Variants in TMEM255B observed in about 807,000 individuals in gnomAD.
TMEM255B encodes the protein family with sequence similarity 70, member B.
TMEM255B carries 35 observed loss-of-function variants against 34.5 expected under a neutral mutation model. That is an observed-to-expected ratio of 1.01 (90% CI 0.77 to 1.34). The LOEUF (loss-of-function observed/expected upper bound fraction) is 1.34, where lower values mean the gene tolerates loss of function less well. Among genes scored for constraint, TMEM255B ranks in the 40% most tolerant of loss-of-function variants. TMEM255B has a pLI of 0.00. For synonymous variants in TMEM255B, 206 were observed against 201.2 expected, an observed-to-expected ratio of 1.02 and a Z score of -0.20; for missense variants, 432 against 433.2, an observed-to-expected ratio of 1.00 and a Z score of 0.02.
intron 8 of TMEM255B, among the ~76,000 whole-genome samples, chr13:113,808,819 G>T (rs28623354): frequency 3.0e-5 from 3 of 99,638 alleles, no homozygotes; most frequent in Non-Finnish European, 5.9e-5. Flanking sequence ...CATGTTTCCT[G>T]GGGGTTTACT....
At chr13:113,774,808 TAC>T (rs1444658805) in intron 3 of TMEM255B, among the ~76,000 whole-genome samples, 1 of 110,056 alleles carries the variant, frequency 9.1e-6, no homozygotes, top group Non-Finnish European at 1.9e-5. Context: ...CACAATACAC[TAC>T]ACACACCACC....
chr13:113,796,351 C>T (rs571297905), intron 4 of TMEM255B, among the ~76,000 whole-genome samples: 2 of 147,540 alleles, frequency 1.4e-5, no homozygotes, highest in South Asian at 2.2e-4. Context: ...ACACAGAGTA[C>T]ACACCTCACA....
At chr13:113,790,078 C>T (rs1270804211) in intron 3 of TMEM255B, among the ~76,000 whole-genome samples, 1 of 151,392 alleles carries the variant, frequency 6.6e-6, no homozygotes, top group Non-Finnish European at 1.5e-5. Context: ...GCTGGATTCA[C>T]TGGGCACATG....
Position 113,801,686 on chromosome 13 carries a change from C to G in TMEM255B, c.543C>G (p.Ile181Met). 3 of 1,612,056 alleles carry G rather than the reference C, an allele frequency of 1.9e-6. No homozygotes were observed. The highest frequency in any genetic ancestry group is 2.5e-6 in the Non-Finnish European group (3 of 1,179,178). The change falls in exon 7 of 9, where the codon ATC (isoleucine) becomes ATG (methionine). Residue 181 changes from isoleucine to methionine, a missense_variant. Physicochemically the swap from Ile to Met is conservative, Grantham distance 10. Transcript: ENST00000375353. Reference sequence around the variant, plus strand: ...CCTCGCCCGCCTACTATGAGTTCATCGGCGTCAGCGGCTGCCAGGACGTGC... The same window carrying G: ...CCTCGCCCGCCTACTATGAGTTCATGGGCGTCAGCGGCTGCCAGGACGTGC... Reference protein sequence around the residue: ...AEPSPAYYEFIGVSGCQDVLH... With the variant: ...AEPSPAYYEFMGVSGCQDVLH...
chr13:113,801,736 C>T lies in TMEM255B; in HGVS notation c.593C>T (p.Ala198Val), dbSNP rs755021235. Residue 198 changes from alanine to valine, a missense_variant, in exon 7 of 9, where the codon GCC becomes GTC. Transcript: ENST00000375353. ...CTGCACCTGTACCGCCTGCTCTGGG[C>T]CTCTGCAGTTCTGAACGTCCTGGGC... ...DVLHLYRLLW[A>V]SAVLNVLGLF... 4.3e-6 allele frequency: 7 copies of T among 1,613,124 alleles called. No individual in the cohort carries two copies. The Admixed American group carries it at 1.0e-4, about 23-fold the overall frequency.
intron 7 of TMEM255B, among the ~76,000 whole-genome samples, chr13:113,802,655 C>T (rs1436143490): frequency 2.5e-5 from 3 of 119,482 alleles, no homozygotes; most frequent in Non-Finnish European, 6.0e-5. Flanking sequence ...AGAGGCTGTC[C>T]ATGACTAAAA....
At chr13:113,775,534 G>A (rs569978275) in intron 3 of TMEM255B, among the ~76,000 whole-genome samples, 1 of 152,388 alleles carries the variant, frequency 6.6e-6, no homozygotes, top group African/African-American at 2.4e-5. Flanking sequence ...GAGCTGCCCA[G>A]GGCAAGAGCC....
chr13:113,769,173 A>G lies in TMEM255B; in HGVS notation c.252+13A>G, dbSNP rs1431505547. The G allele has an allele frequency of 2.4e-5, 39 of 1,613,928 alleles. No homozygotes were observed. The highest frequency in any genetic ancestry group is 1.6e-4 in the Middle Eastern group (1 of 6,062). On this transcript the variant is annotated intron_variant, in intron 3 of 8. Transcript: ENST00000375353. This position sits in a 1 kb window ranked among gnomAD's most constrained non-coding sequence, Gnocchi z 4.2. ...TAGAAGGCAAATGGTAAGAAAGTAC[A>G]TGGGGTGGTGGGGAGCATGAGTCCC...
rs192806687 is a variant in TMEM255B at position 113,794,624 on chromosome 13, G to A, written c.253-524G>A. Among the ~76,000 whole-genome samples the A allele has an allele frequency of 1.9e-3, 296 of 152,194 alleles. 2 individuals carry two copies. Among genetic ancestry groups the A allele is most frequent in the African/African-American group, 6.8e-3 (282 of 41,536 alleles). Reference sequence around the variant, plus strand: ...TTTTAGGGTTAGGGCAGGACACCCCGCTTTATAGCAGAGTTTGTAGTGGCA... The same window carrying A: ...TTTTAGGGTTAGGGCAGGACACCCCACTTTATAGCAGAGTTTGTAGTGGCA... On this transcript the variant is annotated intron_variant, in intron 3 of 8. Transcript: ENST00000375353.
At chr13:113,775,048 CACA>C (rs1388023497) in intron 3 of TMEM255B, among the ~76,000 whole-genome samples, 4 of 88,914 alleles carry the variant, frequency 4.5e-5, no homozygotes, top group Admixed American at 1.1e-4. Context: ...ACATTGCACA[CACA>C]ACACACCACA....
intron 5 of TMEM255B, 110 bp downstream of exon 5, chr13:113,799,529 C>T: frequency 9.8e-7 from 1 of 1,023,436 alleles, no homozygotes; most frequent in East Asian, 2.5e-5. Context: ...TCTAATAGTT[C>T]CTGGGGGTCA....
chr13:113,759,396 C>A, intron 1 of TMEM255B, 81 bp downstream of exon 1: 1 of 1,190,506 alleles, frequency 8.4e-7, no homozygotes, highest in Non-Finnish European at 1.1e-6. Flanking sequence ...GGTCCCCGGC[C>A]GGCCCGGGCG....
chr13:113,793,730 G>T (rs770853387), intron 3 of TMEM255B, among the ~76,000 whole-genome samples: 5 of 152,228 alleles, frequency 3.3e-5, no homozygotes, highest in African/African-American at 4.8e-5. Context: ...CGCAGTGAGG[G>T]TGCCCACTGT....
intron 2 of TMEM255B, among the ~76,000 whole-genome samples, chr13:113,766,637 C>G (rs535653005): frequency 7.2e-5 from 11 of 152,290 alleles, no homozygotes; most frequent in African/African-American, 2.6e-4. Context: ...CCAAAAAGGC[C>G]GGACAGAGCC....
chr13:113,792,730 A>AT (rs2050852773), intron 3 of TMEM255B, among the ~76,000 whole-genome samples: 1 of 152,216 alleles, frequency 6.6e-6, no homozygotes, highest in Admixed American at 6.5e-5. Context: ...AGAAGAGGAG[A>AT]TTTTTAAATT....
intron 8 of TMEM255B, 67 bp downstream of exon 8, chr13:113,805,095 G>A (rs539950915): frequency 4.1e-6 from 6 of 1,453,622 alleles, no homozygotes; most frequent in African/African-American, 1.4e-5. Context: ...ACAGGATGGG[G>A]CTGGGGTCGG....
At chr13:113,780,182 G>A (rs2050645112) in intron 3 of TMEM255B, among the ~76,000 whole-genome samples, 1 of 152,216 alleles carries the variant, frequency 6.6e-6, no homozygotes, top group African/African-American at 2.4e-5. Context: ...CAGAACCCCT[G>A]TGCAGGGACT....
At chr13:113,780,150 A>G (rs1033270406) in intron 3 of TMEM255B, among the ~76,000 whole-genome samples, 6 of 152,204 alleles carry the variant, frequency 3.9e-5, no homozygotes, top group Non-Finnish European at 5.9e-5. Context: ...TCAGAAAGTG[A>G]CATTCTTTAC....
rs74323580 is a variant in TMEM255B, at chr13:113,813,768, A to G, written c.*1865A>G. 0.074 allele frequency: 11,203 copies of G among 152,208 alleles called. 530 individuals are homozygous for G. Among genetic ancestry groups the G allele is most frequent in the East Asian group, 0.16 (809 of 5,114 alleles). 9.4% of individuals were successfully genotyped at this position (152,208 alleles called of 1,614,324 possible). A position where few individuals can be genotyped will look rare whatever the true frequency, so the allele number is the denominator to read the frequency against. On this transcript the variant is annotated 3_prime_UTR_variant, in exon 9 of 9. Coordinates refer to ENST00000375353, the MANE Select transcript of TMEM255B (RefSeq NM_182614.4). Reference sequence around the variant, plus strand: ...GTCTGTGAACCCGCCACTGCTTGTCATTTTTATCTTATAAAATCCAGCCTC... The same window carrying G: ...GTCTGTGAACCCGCCACTGCTTGTCGTTTTTATCTTATAAAATCCAGCCTC...
Sources: gnomAD v4.1 joint callset for allele counts (sites outside exome capture counted in the v4.1 genomes callset) on GRCh38, gnomAD v4.1.1 for gene constraint, Gnocchi (gnomAD v3.1) non-coding constraint, MANE v1.5 for transcripts, NCBI Gene and HGNC (gene_info 2026-07-23, HGNC 2026-07-21) for gene names.